NAA25: variants seen among roughly 807,000 people sequenced by gnomAD.
NAA25 encodes N-terminal acetyltransferase B complex subunit NAA25.
A neutral mutation model predicts 132.5 loss-of-function variants in NAA25; 30 were observed. The observed-to-expected ratio is 0.23, with a 90% CI of 0.17 to 0.31. The LOEUF (loss-of-function observed/expected upper bound fraction) is 0.31, where lower values mean the gene tolerates loss of function less well. NAA25 is among the 10% of genes least tolerant of loss of function. The pLI, the probability that NAA25 is intolerant of heterozygous loss-of-function variation, is 1.00. For synonymous variants in NAA25, 359 were observed against 401.9 expected (o/e 0.89, Z 1.28); for missense variants, 771 against 1,150.4 (o/e 0.67, Z 4.77).
intron 5 of NAA25, among the ~76,000 whole-genome samples, chr12:112,079,571 GAAAAA>G (rs760605292): frequency 1.9e-4 from 25 of 134,422 alleles, no homozygotes; most frequent in Middle Eastern, 7.9e-3. Context: ...TTGGACAACA[GAAAAA>G]AAAAAAAACT....
At chr12:112,063,938 C>A in intron 11 of NAA25, 1 of 152,238 alleles carries the variant, frequency 6.6e-6, no homozygotes, top group South Asian at 2.1e-4. Flanking sequence ...GAGGGGGACT[C>A]ACTATGTTGT....
intron 7 of NAA25, among the ~76,000 whole-genome samples, chr12:112,077,721 A>C (rs1178554285): frequency 6.6e-6 from 1 of 152,152 alleles, no homozygotes; most frequent in Admixed American, 6.5e-5. Flanking sequence ...ATACAAATAA[A>C]GAAGGAATGT....
intron 3 of NAA25, among the ~76,000 whole-genome samples, chr12:112,088,225 C>T (rs1331495812): frequency 6.6e-6 from 1 of 151,628 alleles, no homozygotes; most frequent in South Asian, 2.1e-4. Context: ...AACTGTAAGA[C>T]TTTCTCTGAA....
chr12:112,050,398 C>T (rs1240386546), intron 15 of NAA25, among the ~76,000 whole-genome samples: 2 of 152,036 alleles, frequency 1.3e-5, no homozygotes, highest in Non-Finnish European at 1.5e-5. Flanking sequence ...ATTTAGATCC[C>T]GAATGGATTC....
intron 11 of NAA25, among the ~76,000 whole-genome samples, chr12:112,065,934 C>T: frequency 6.6e-6 from 1 of 152,180 alleles, no homozygotes; most frequent in East Asian, 1.9e-4. Flanking sequence ...AGTTATCCTA[C>T]AGTCAAAAAG....
intron 7 of NAA25, among the ~76,000 whole-genome samples, chr12:112,077,774 A>C (rs2136901098): frequency 6.6e-6 from 1 of 152,232 alleles, no homozygotes; most frequent in Admixed American, 6.5e-5. Context: ...GAGGGGCATT[A>C]ATTAATTTAA....
chr12:112,056,380 A>T (rs1024891348), intron 13 of NAA25, among the ~76,000 whole-genome samples: 1 of 151,822 alleles, frequency 6.6e-6, no homozygotes, highest in African/African-American at 2.4e-5. Context: ...AAAAAAATTT[A>T]AAATTAACTA....
At chr12:112,079,471 T>C (rs1464467086) in intron 5 of NAA25, among the ~76,000 whole-genome samples, 1 of 151,956 alleles carries the variant, frequency 6.6e-6, no homozygotes, top group Non-Finnish European at 1.5e-5. Flanking sequence ...GGTGCATGCT[T>C]ATAATCCTAG....
chr12:112,034,791 G>A (rs1002349226), intron 22 of NAA25: 12 of 148,012 alleles, frequency 8.1e-5, no homozygotes, highest in African/African-American at 2.8e-4. Flanking sequence ...TCCAGCCTGG[G>A]CGACAGTGAG....
intron 20 of NAA25, among the ~76,000 whole-genome samples, chr12:112,041,285 T>C (rs2078298228): frequency 6.6e-6 from 1 of 152,004 alleles, no homozygotes; most frequent in Non-Finnish European, 1.5e-5. Flanking sequence ...ACTCCCAGGT[T>C]CATGCCATTC....
chr12:112,042,065 A>G lies in NAA25; in HGVS notation c.2414T>C (p.Phe805Ser). Residue 805 changes from phenylalanine to serine, a missense_variant, in exon 20 of 24, where the codon TTT becomes TCT. Phe to Ser is a radical substitution (Grantham distance 155, BLOSUM62 -2). This residue lies in a region of NAA25 where 324 missense variants were observed against 400.0 expected (regional missense o/e 0.81). Transcript: ENST00000261745. ...TTTTAACTGGTCTAGTAAAGACTTA[A>G]AACTATTTTCTATTCGTTCCTGAAT... The part of the protein sequence containing the change: ...MEIQERIENS[F>S]KSLLDQLKDV... The G allele has an allele frequency of 6.7e-7, 1 of 1,486,004 alleles. No homozygotes were observed. The allele number at this position is 1,486,004 out of a possible 1,614,324, so 92.1% of individuals were successfully genotyped here. A position where few individuals can be genotyped will look rare whatever the true frequency, so the allele number is the denominator to read the frequency against.
At position 112,068,948 on chromosome 12, in the gene NAA25, C is replaced by A; in HGVS notation, c.1081G>T (p.Asp361Tyr). The A allele has an allele frequency of 6.2e-7, 1 of 1,613,354 alleles. No homozygotes were observed. Among genetic ancestry groups the A allele is most frequent in the East Asian group, 2.2e-5 (1 of 44,852 alleles). The part of the protein sequence containing the change: ...LMFQYFKKFG[D>Y]KPCCFTDLKV... ...AGGTCTGTAAAACAACAAGGTTTAT[C>A]GCCAAACTTTTTAAAATACTGGAAC... The change falls in exon 11 of 24, where the codon GAT becomes TAT. Residue 361 changes from aspartate (D) to tyrosine (Y), a missense_variant. Around this residue, in one of 3 missense-constraint regions of NAA25, gnomAD observed 417 missense variants for 733.8 expected, o/e 0.57. Transcript: ENST00000261745.
At chr12:112,076,421 T>A (rs2078896430) in intron 7 of NAA25, among the ~76,000 whole-genome samples, 1 of 152,120 alleles carries the variant, frequency 6.6e-6, no homozygotes, top group African/African-American at 2.4e-5. Context: ...ACTAGTAAAT[T>A]TAGTCCATAG....
At chr12:112,086,073 T>TATATATATATATATATAC (rs759148501) in intron 4 of NAA25, among the ~76,000 whole-genome samples, 25 of 53,958 alleles carry the variant, frequency 4.6e-4, no homozygotes, top group African/African-American at 1.1e-3. Flanking sequence ...TATATATATA[T>TATATATATATATATATAC]ACACACACAC....
At chr12:112,038,629 T>A (rs1036243843) in intron 22 of NAA25, among the ~76,000 whole-genome samples, 2 of 152,174 alleles carry the variant, frequency 1.3e-5, no homozygotes, top group Admixed American at 1.3e-4. Context: ...GGATGTCCAA[T>A]CTTCTGGCTT....
intron 10 of NAA25, among the ~76,000 whole-genome samples, chr12:112,070,495 T>C (rs181819383): frequency 2.6e-5 from 4 of 152,362 alleles, no homozygotes; most frequent in Non-Finnish European, 5.9e-5. Context: ...ATCCACTTCA[T>C]GAAACTTTTC....
intron 1 of NAA25, among the ~76,000 whole-genome samples, chr12:112,097,739 T>G (rs2079234924): frequency 6.6e-6 from 1 of 151,960 alleles, no homozygotes; most frequent in South Asian, 2.1e-4. Context: ...TAATGAACCC[T>G]CCCTTCTCCA....
At chr12:112,078,830 C>T (rs1296620977) in intron 5 of NAA25, 89 bp from the exon 6 acceptor site, 3 of 1,022,620 alleles carry the variant, frequency 2.9e-6, no homozygotes, top group South Asian at 2.9e-5. Flanking sequence ...ACATAATTAT[C>T]AATCCACCAT....
rs115889036 is a variant in NAA25 at position 112,059,600 on chromosome 12, T to C, written c.1447+670A>G. 7.9e-3 allele frequency among the ~76,000 whole-genome samples: 1,198 copies of C among 152,288 alleles called. 16 individuals carry two copies. The highest frequency in any genetic ancestry group is 0.028 in the African/African-American group (1,151 of 41,542). On this transcript the variant is annotated intron_variant, in intron 13 of 23. Coordinates refer to ENST00000261745, the MANE Select transcript of NAA25 (RefSeq NM_024953.4). ...ATTCCAGAAAGAATGCATTTTTCTG[T>C]ATATAAAATTTTTTGAAGTGAATAA...
Sources: gnomAD v4.1 joint callset for allele counts (sites outside exome capture counted in the v4.1 genomes callset) on GRCh38, gnomAD v4.1.1 for gene constraint, gnomAD v4.1.1 regional missense constraint, MANE v1.5 for transcripts, NCBI Gene and HGNC (gene_info 2026-07-23, HGNC 2026-07-21) for gene names.